The following CNTN5 variants were observed in gnomAD, a reference collection of about 807,000 sequenced individuals.
CNTN5 encodes the protein contactin-5.
Under a neutral mutation model 129.1 loss-of-function variants are expected in CNTN5, and 77 were observed. The ratio of observed to expected loss-of-function variants is 0.60; its 90% CI spans 0.50 to 0.72. The LOEUF (loss-of-function observed/expected upper bound fraction) is 0.72. Ranked by LOEUF, CNTN5 falls within the 30% of genes least tolerant of loss-of-function variation. The probability of loss-of-function intolerance (pLI) is 0.00; values close to 1 mark genes in which losing one functional copy is unlikely to be tolerated. For missense variants in CNTN5, 1,478 were observed against 1,328.8 expected (o/e 1.11, Z -1.75); for synonymous variants, 509 against 465.6 (o/e 1.09, Z -1.20).
Position 99,553,322 on chromosome 11 carries a change from T to C in CNTN5, c.-70-2823T>C, listed in dbSNP as rs191591934. ...TGGTAGCCAAAAAGGCATTTCCAAA[T>C]ACACATCCTTCTCTTTGCTTTGGTA... On this transcript the variant is annotated intron_variant, in intron 2 of 24. Transcript: ENST00000524871. 3.9e-4 allele frequency among the ~76,000 whole-genome samples: 59 copies of C among 152,266 alleles called. 1 individual carries two copies. In the East Asian group the frequency reaches 9.9e-3, roughly 25 times the overall value.
At chr11:99,671,427 G>T (rs1371762566) in intron 3 of CNTN5, among the ~76,000 whole-genome samples, 1 of 152,092 alleles carries the variant, frequency 6.6e-6, no homozygotes, top group Non-Finnish European at 1.5e-5. Flanking sequence ...TGAATATACG[G>T]TTGGGTAAAC....
rs182717754 is a variant in CNTN5 at position 99,677,792 on chromosome 11, C to T, written c.55+121523C>T. On this transcript the variant is annotated intron_variant, in intron 3 of 24. Coordinates refer to ENST00000524871, the MANE Select transcript of CNTN5 (RefSeq NM_014361.4). ...GTATGTACCTATGTGTAAACATTTT[C>T]GTACTGATTTTTATGTGTCTGTTGA... Among the ~76,000 whole-genome samples the T allele has an allele frequency of 1.4e-3, 211 of 152,144 alleles. 3 individuals carry two copies. Among genetic ancestry groups the T allele is most frequent in the Admixed American group, 0.012 (183 of 15,262 alleles).
intron 2 of CNTN5, among the ~76,000 whole-genome samples, chr11:99,471,299 G>A (rs1945162993): frequency 6.6e-6 from 1 of 151,924 alleles, no homozygotes; most frequent in African/African-American, 2.4e-5. Flanking sequence ...AACAATATAA[G>A]TAATCTTTAT....
intron 3 of CNTN5, among the ~76,000 whole-genome samples, chr11:99,728,655 T>C (rs1410973958): frequency 6.6e-6 from 1 of 152,144 alleles, no homozygotes; most frequent in Non-Finnish European, 1.5e-5. Context: ...TCTCCTCAGA[T>C]GGTAACCCCA....
At chr11:99,903,469 G>A (rs1382208595) in intron 6 of CNTN5, among the ~76,000 whole-genome samples, 1 of 152,066 alleles carries the variant, frequency 6.6e-6, no homozygotes, top group Non-Finnish European at 1.5e-5. Context: ...AGGTTGAAAA[G>A]CATAATGTTA....
intron 18 of CNTN5, among the ~76,000 whole-genome samples, chr11:100,275,319 A>T (rs1186323596): frequency 2.0e-5 from 3 of 152,234 alleles, no homozygotes; most frequent in African/African-American, 7.2e-5. Context: ...TTAAGAGCAT[A>T]ACAGGTTAGT....
intron 6 of CNTN5, among the ~76,000 whole-genome samples, chr11:99,908,776 T>C (rs1949577866): frequency 6.6e-6 from 1 of 152,164 alleles, no homozygotes; most frequent in South Asian, 2.1e-4. Flanking sequence ...GTGGACAGTT[T>C]ATCATTTCAC....
intron 18 of CNTN5, among the ~76,000 whole-genome samples, chr11:100,283,942 T>C (rs59840843): frequency 0.012 from 1,850 of 152,086 alleles, 29 homozygotes; most frequent in African/African-American, 0.038. Context: ...CGAGACTCTG[T>C]CTCAAAAAAA....
chr11:100,176,463 G>A (rs978279847), intron 13 of CNTN5, among the ~76,000 whole-genome samples: 3 of 152,072 alleles, frequency 2.0e-5, no homozygotes, highest in African/African-American at 7.2e-5. Context: ...CCTTAAAAAT[G>A]TTGAAACTAT....
chr11:100,175,116 T>C (rs1336681936), intron 13 of CNTN5, among the ~76,000 whole-genome samples: 2 of 152,150 alleles, frequency 1.3e-5, no homozygotes, highest in East Asian at 1.9e-4. Flanking sequence ...CAGCCTGGAT[T>C]GTAGGTCAGA....
At chr11:100,356,096 T>G (rs1952517283) in intron 24 of CNTN5, 21 bp from the exon 25 acceptor site, 3 of 1,557,826 alleles carry the variant, frequency 1.9e-6, no homozygotes, top group Non-Finnish European at 2.6e-6. Context: ...TTTGCTCCAT[T>G]TGATGCTTCT....
At chr11:99,306,950 T>C (rs1024481929) in intron 1 of CNTN5, among the ~76,000 whole-genome samples, 1 of 152,114 alleles carries the variant, frequency 6.6e-6, no homozygotes, top group Non-Finnish European at 1.5e-5. Context: ...GCAAAACATC[T>C]TCCTGAGAAC....
intron 2 of CNTN5, among the ~76,000 whole-genome samples, chr11:99,472,767 C>A (rs1332905100): frequency 1.3e-5 from 2 of 152,074 alleles, no homozygotes; most frequent in African/African-American, 4.8e-5. Flanking sequence ...CTCCTGAGTT[C>A]AAGCGATTCT....
At chr11:99,891,367 C>G (rs910994511) in intron 6 of CNTN5, among the ~76,000 whole-genome samples, 2 of 152,040 alleles carry the variant, frequency 1.3e-5, no homozygotes, top group African/African-American at 4.8e-5. Context: ...TTCTGGGGCA[C>G]TAGTTCAGAA....
At chr11:99,345,653 G>A (rs1287586235) in intron 2 of CNTN5, among the ~76,000 whole-genome samples, 1 of 152,142 alleles carries the variant, frequency 6.6e-6, no homozygotes, top group Non-Finnish European at 1.5e-5. Context: ...TAATACCTGT[G>A]TTTTCCATCT....
intron 1 of CNTN5, among the ~76,000 whole-genome samples, chr11:99,198,576 C>CA (rs879405787): frequency 2.0e-5 from 3 of 151,506 alleles, no homozygotes; most frequent in Non-Finnish European, 4.4e-5. Flanking sequence ...TGTTTAACAA[C>CA]AAAAAAAGAA....
intron 3 of CNTN5, among the ~76,000 whole-genome samples, chr11:99,642,183 A>C (rs74765594): frequency 6.9e-4 from 105 of 152,254 alleles, no homozygotes; most frequent in Non-Finnish European, 1.0e-3. Context: ...TTGATGTGTT[A>C]TGTAATAGGA....
intron 13 of CNTN5, among the ~76,000 whole-genome samples, chr11:100,147,703 C>T (rs1005349206): frequency 8.3e-5 from 12 of 144,128 alleles, no homozygotes; most frequent in Admixed American, 2.1e-4. Context: ...ATATTATTCA[C>T]GACACCCACA....
chr11:99,213,211 A>ATG (rs1491054713), intron 1 of CNTN5, among the ~76,000 whole-genome samples: 2 of 68,842 alleles, frequency 2.9e-5, no homozygotes, highest in African/African-American at 1.1e-4. Flanking sequence ...ATATATATAT[A>ATG]TGTGTGTGTA....
Sources: allele counts gnomAD v4.1 joint callset (sites outside exome capture counted in the v4.1 genomes callset), GRCh38; gene constraint gnomAD v4.1.1; transcripts MANE v1.5; gene names NCBI Gene and HGNC (gene_info 2026-07-23, HGNC 2026-07-21).